The following AFG3L2 variants were observed in gnomAD, a reference collection of about 807,000 sequenced individuals.
AFG3L2 encodes the protein AFG3 like matrix AAA peptidase subunit 2, also known as mitochondrial inner membrane m-AAA protease component AFG3L2.
In AFG3L2, 54 loss-of-function variants were observed where a neutral mutation model predicts 94.5. The ratio of observed to expected loss-of-function variants is 0.57; its 90% CI spans 0.46 to 0.72. AFG3L2 has a LOEUF of 0.72. Among genes scored for constraint, AFG3L2 ranks in the 30% least tolerant of loss-of-function variants. AFG3L2 has a pLI of 0.00. For synonymous variants in AFG3L2, 377 were observed against 365.5 expected (o/e 1.03, Z -0.36); for missense variants, 754 against 994.9 (o/e 0.76, Z 3.26).
At chr18:12,351,919 T>C (rs1293846510) in intron 10 of AFG3L2, among the ~76,000 whole-genome samples, 1 of 152,234 alleles carries the variant, frequency 6.6e-6, no homozygotes, top group Non-Finnish European at 1.5e-5. Flanking sequence ...AATAATCATA[T>C]ATTAGACTTA....
rs1908507908 is a variant in AFG3L2 at position 12,356,744 on chromosome 18, C to T, written c.1114G>A (p.Val372Ile). The T allele has an allele frequency of 2.5e-6, 4 of 1,614,088 alleles. No homozygotes were observed. Among genetic ancestry groups the T allele is most frequent in the South Asian group, 1.1e-5 (1 of 91,080 alleles). The change falls in exon 9 of 17, where the codon GTT becomes ATT. Residue 372 changes from valine to isoleucine, a missense_variant. Physicochemically the swap from Val to Ile is conservative, Grantham distance 29. Around this residue, in one of 4 missense-constraint regions of AFG3L2, gnomAD observed 109 missense variants for 227.1 expected, o/e 0.48. Coordinates refer to ENST00000269143, the MANE Select transcript of AFG3L2 (RefSeq NM_006796.3). ...ATCTCCAAAAACTCAGATCCACTAA[C>T]GGTGATGAAGGGGACATTGGCTTCT... ...AGEANVPFITVSGSEFLEMFV... is the reference protein window; with the variant it reads ...AGEANVPFITISGSEFLEMFV...
In AFG3L2 at chr18:12,361,148, T is replaced by C. The variant is rs192404432; in HGVS notation, c.628-1097A>G. Among the ~76,000 whole-genome samples the C allele has an allele frequency of 7.1e-3, 1,075 of 152,266 alleles. 10 individuals carry two copies. Among genetic ancestry groups the C allele is most frequent in the Admixed American group, 0.015 (227 of 15,298 alleles). The stretch of plus-strand genomic sequence containing the variant: ...CACTTTGGGAAGCCCAGGTGGCAGA[T>C]CACCTGAGGTGAGGAGTTTGAGACC... On this transcript the variant is annotated intron_variant, in intron 6 of 16. Coordinates refer to ENST00000269143, the MANE Select transcript of AFG3L2 (RefSeq NM_006796.3).
intron 1 of AFG3L2, among the ~76,000 whole-genome samples, chr18:12,373,059 CAAAT>C (rs1909040356): frequency 6.6e-6 from 1 of 152,092 alleles, no homozygotes; most frequent in Non-Finnish European, 1.5e-5. Context: ...CAATAAAAAA[CAAAT>C]AAAACAGAAT....
Position 12,340,336 on chromosome 18 carries a change from G to A in AFG3L2, c.1845C>T (p.Leu615=). The change falls in exon 15 of 17, where the codon CTC becomes CTT. Residue 615 remains leucine (L), a synonymous_variant. Coordinates refer to ENST00000269143, the MANE Select transcript of AFG3L2 (RefSeq NM_006796.3). Reference sequence around the variant, plus strand: ...TATCCAAGAGCTGCTCTTTGGTATAGAGGTATTGTTCTTTTGGTAAATACT... The same window carrying A: ...TATCCAAGAGCTGCTCTTTGGTATAAAGGTATTGTTCTTTTGGTAAATACT... ...YAQYLPKEQY[L]YTKEQLLDRM... 1 of 1,614,144 alleles carries A rather than the reference G, an allele frequency of 6.2e-7. No individual in the cohort carries two copies. Among genetic ancestry groups the A allele is most frequent in the Non-Finnish European group, 8.5e-7 (1 of 1,179,986 alleles).
At chr18:12,338,977 G>A (rs149160951) in intron 15 of AFG3L2, among the ~76,000 whole-genome samples, 3,597 of 152,154 alleles carry the variant, frequency 0.024, 155 homozygotes, top group African/African-American at 0.082. Flanking sequence ...TCTCGGGGCC[G>A]GGCACGGTGG....
chr18:12,371,866 T>C (rs1193289882), intron 1 of AFG3L2, among the ~76,000 whole-genome samples, 175 bp from the exon 2 acceptor site: 1 of 152,212 alleles, frequency 6.6e-6, no homozygotes, highest in Non-Finnish European at 1.5e-5. Flanking sequence ...AGGCCACTGA[T>C]TCCAGCAAAA....
intron 13 of AFG3L2, among the ~76,000 whole-genome samples, chr18:12,344,730 C>T (rs1481880285): frequency 6.6e-6 from 1 of 151,710 alleles, no homozygotes; most frequent in Admixed American, 6.6e-5. Flanking sequence ...AAATAGAATT[C>T]CCAATCAAGG....
intron 2 of AFG3L2, 32 bp downstream of exon 2, chr18:12,371,560 G>C (rs370843945): frequency 1.3e-6 from 2 of 1,585,286 alleles, no homozygotes; most frequent in Non-Finnish European, 8.7e-7. Flanking sequence ...ACCTAAGAAT[G>C]TAGAACACTA....
intron 6 of AFG3L2, among the ~76,000 whole-genome samples, chr18:12,362,858 T>C (rs112674702): frequency 0.016 from 2,325 of 146,378 alleles, 35 homozygotes; most frequent in Non-Finnish European, 0.024. Context: ...GAGGGATGGG[T>C]GTGTGTGTGC....
intron 9 of AFG3L2, among the ~76,000 whole-genome samples, chr18:12,353,450 G>T (rs1043708774): frequency 1.2e-4 from 18 of 148,320 alleles, no homozygotes; most frequent in African/African-American, 4.3e-4. Flanking sequence ...GGAGGCAGAG[G>T]TTGCAGTGAG....
At chr18:12,369,804 C>T (rs1340120266) in intron 3 of AFG3L2, among the ~76,000 whole-genome samples, 1 of 151,926 alleles carries the variant, frequency 6.6e-6, no homozygotes, top group Non-Finnish European at 1.5e-5. Context: ...CGCCTGTAAT[C>T]CCAGCACTTT....
intron 5 of AFG3L2, among the ~76,000 whole-genome samples, chr18:12,366,066 G>A (rs547472199): frequency 9.2e-5 from 14 of 151,860 alleles, no homozygotes; most frequent in Non-Finnish European, 2.1e-4. Context: ...TAGTAGATTC[G>A]GGGGTTTCAC....
intron 16 of AFG3L2, among the ~76,000 whole-genome samples, chr18:12,330,170 C>CA (rs1377453250): frequency 6.6e-5 from 10 of 151,890 alleles, no homozygotes; most frequent in African/African-American, 1.7e-4. Context: ...ACTAAAAATG[C>CA]AAAAAAATAG....
At chr18:12,356,064 T>C (rs954466041) in intron 9 of AFG3L2, among the ~76,000 whole-genome samples, 1 of 150,420 alleles carries the variant, frequency 6.6e-6, no homozygotes, top group African/African-American at 2.4e-5. Context: ...CTGAACTGTA[T>C]ACTTTACAGG....
At chr18:12,370,398 T>C (rs550006307) in intron 3 of AFG3L2, among the ~76,000 whole-genome samples, 1 of 150,920 alleles carries the variant, frequency 6.6e-6, no homozygotes, top group Admixed American at 6.6e-5. Flanking sequence ...AAATGTAACA[T>C]AAGGTCTCTA....
chr18:12,376,426 G>T (rs965591525), intron 1 of AFG3L2, among the ~76,000 whole-genome samples: 1 of 152,234 alleles, frequency 6.6e-6, no homozygotes, highest in East Asian at 1.9e-4. Flanking sequence ...CCTGCTGAGA[G>T]CAGGCCCTGA....
At position 12,358,772 on chromosome 18, in the gene AFG3L2, T is replaced by G; in HGVS notation, c.924A>C (p.Lys308Asn). Residue 308 changes from lysine (K) to asparagine (N), a missense_variant, in exon 8 of 17, where the codon AAA becomes AAC. By Grantham distance (94) the Lys-to-Asn change is moderately conservative. Coordinates refer to ENST00000269143, the MANE Select transcript of AFG3L2 (RefSeq NM_006796.3). ...TGGCCTCCTCACAGCCAGCCACATC[T>G]TTGAACTTCACATCAATTTCATCCT... ...VLKDEIDVKF[K>N]DVAGCEEAKL... 3.7e-6 allele frequency: 6 copies of G among 1,614,276 alleles called. No homozygotes were observed. Among genetic ancestry groups the G allele is most frequent in the Non-Finnish European group, 5.1e-6 (6 of 1,180,054 alleles).
intron 12 of AFG3L2, among the ~76,000 whole-genome samples, chr18:12,349,326 G>C (rs147206815): frequency 5.3e-4 from 81 of 152,276 alleles, no homozygotes; most frequent in African/African-American, 1.9e-3. Context: ...ATGTAAAATG[G>C]CACAGGTAAT....
chr18:12,363,839 G>T lies in AFG3L2; in HGVS notation c.570C>A (p.Val190=), dbSNP rs756146861. The part of the protein sequence containing the change: ...LSKGVVDRLE[V]VNKRFVRVTF... Reference sequence around the variant, plus strand: ...TCACTCGAACAAAACGCTTGTTGACGACTTCCAATCTGTCTACCTAGAATT... The same window carrying T: ...TCACTCGAACAAAACGCTTGTTGACTACTTCCAATCTGTCTACCTAGAATT... The change falls in exon 6 of 17, where the codon GTC becomes GTA. Residue 190 remains valine, a synonymous_variant. Coordinates refer to ENST00000269143, the MANE Select transcript of AFG3L2 (RefSeq NM_006796.3). 2.5e-6 allele frequency: 4 copies of T among 1,612,850 alleles called. No homozygotes were observed. Among genetic ancestry groups the T allele is most frequent in the South Asian group, 2.2e-5 (2 of 91,040 alleles).
Sources: gnomAD v4.1 joint callset for allele counts (sites outside exome capture counted in the v4.1 genomes callset) on GRCh38, gnomAD v4.1.1 for gene constraint, gnomAD v4.1.1 regional missense constraint, MANE v1.5 for transcripts, NCBI Gene and HGNC (gene_info 2026-07-23, HGNC 2026-07-21) for gene names.